Variants in DPH6 observed in about 807,000 individuals in gnomAD.
The protein encoded by DPH6 is diphthamine biosynthesis 6, also known as diphthine--ammonia ligase.
Under a neutral mutation model 38.2 loss-of-function variants are expected in DPH6, and 33 were observed. The ratio of observed to expected loss-of-function variants is 0.86; its 90% confidence interval spans 0.65 to 1.15. The LOEUF (loss-of-function observed/expected upper bound fraction) is 1.15, where lower values mean the gene tolerates loss of function less well. Among genes scored for constraint, DPH6 ranks in the 50% most tolerant of loss-of-function variants. The pLI, the probability that DPH6 is intolerant of heterozygous loss-of-function variation, is 0.00. For missense variants in DPH6, 325 were observed against 320.0 expected (o/e 1.02, Z -0.12); for synonymous variants, 108 against 103.0 (o/e 1.05, Z -0.30).
intron 3 of DPH6, among the ~76,000 whole-genome samples, chr15:35,275,261 T>C (rs138144920): frequency 1.3e-4 from 20 of 152,306 alleles, no homozygotes; most frequent in African/African-American, 3.4e-4. Flanking sequence ...TGTATGTTTA[T>C]TGCAGCACTA....
At chr15:35,297,053 T>C (rs1473428682) in intron 3 of DPH6, among the ~76,000 whole-genome samples, 12 of 152,186 alleles carry the variant, frequency 7.9e-5, no homozygotes. Flanking sequence ...TCCCTGCTCC[T>C]ATCTAAGACT....
chr15:35,397,881 A>G (rs1210558696), intron 6 of DPH6, among the ~76,000 whole-genome samples: 5 of 150,502 alleles, frequency 3.3e-5, no homozygotes, highest in East Asian at 2.0e-4. Flanking sequence ...ACACACACAC[A>G]CACACACACA....
chr15:35,253,777 A>G (rs1204789336), intron 3 of DPH6, among the ~76,000 whole-genome samples: 2 of 152,174 alleles, frequency 1.3e-5, no homozygotes, highest in African/African-American at 2.4e-5. Context: ...TAGATCATTT[A>G]CCTGCAAGGA....
chr15:35,161,272 A>C, the DPH6 span, among the ~76,000 whole-genome samples: 3 of 151,464 alleles, frequency 2.0e-5, no homozygotes, highest in Admixed American at 6.6e-5. Context: ...GAATCCGCCA[A>C]CTCTTTTAGT....
the DPH6 span, among the ~76,000 whole-genome samples, chr15:35,191,687 C>A: frequency 1.3e-5 from 2 of 152,146 alleles, no homozygotes; most frequent in South Asian, 4.2e-4. Context: ...GTTGACTCTC[C>A]CAATCCTAAA....
Position 35,283,757 on chromosome 15 carries a change from T to TACACACACAC in DPH6, n.201-63185_201-63176dup, listed in dbSNP as rs3028682. 4.4e-3 allele frequency among the ~76,000 whole-genome samples: 618 copies of TACACACACAC among 140,580 alleles called. 6 individuals carry two copies. Among genetic ancestry groups the TACACACACAC allele is most frequent in the African/African-American group, 0.015 (558 of 38,274 alleles). 92.2% of individuals were successfully genotyped at this position (140,580 alleles called of 152,430 possible). On this transcript the variant is annotated intron_variant and non_coding_transcript_variant, in intron 3 of 3. Coordinates refer to the DPH6 transcript ENST00000560386. ...TACTTTTTTCATTGGGCACAGATAGTACACACACACACACACACACACACA... is the reference window on the plus strand; with the variant it reads ...TACTTTTTTCATTGGGCACAGATAGTACACACACACACACACACACACACACACACACACA...
chr15:35,271,702 T>C (rs1160927211), intron 3 of DPH6, among the ~76,000 whole-genome samples: 2 of 152,196 alleles, frequency 1.3e-5, no homozygotes, highest in Non-Finnish European at 2.9e-5. Context: ...AGGATGGGGA[T>C]TGAGAATTGA....
intron 3 of DPH6, among the ~76,000 whole-genome samples, chr15:35,503,310 T>TA (rs1370011818): frequency 6.6e-6 from 1 of 152,076 alleles, no homozygotes; most frequent in Non-Finnish European, 1.5e-5. Context: ...AGTTAAATTT[T>TA]AAAAAGACCA....
intron 5 of DPH6, among the ~76,000 whole-genome samples, chr15:35,422,331 C>T (rs2053516231): frequency 6.6e-6 from 1 of 151,766 alleles, no homozygotes; most frequent in African/African-American, 2.4e-5. Flanking sequence ...CAGGAAAAAA[C>T]CTTGAGGAAT....
intron 5 of DPH6, among the ~76,000 whole-genome samples, chr15:35,445,395 CAAA>C (rs11331685): frequency 4.7e-4 from 59 of 125,450 alleles, no homozygotes; most frequent in South Asian, 8.0e-4. Flanking sequence ...TCATCATCAT[CAAA>C]AAAAAAAAAA....
intron 3 of DPH6, among the ~76,000 whole-genome samples, chr15:35,325,001 T>C (rs2052270167): frequency 6.6e-6 from 1 of 152,146 alleles, no homozygotes; most frequent in African/African-American, 2.4e-5. Context: ...AATTTTTACA[T>C]AGCCCAGTGC....
intron 3 of DPH6, among the ~76,000 whole-genome samples, chr15:35,263,182 C>G (rs1290202061): frequency 3.3e-5 from 5 of 152,028 alleles, no homozygotes; most frequent in Non-Finnish European, 7.4e-5. Flanking sequence ...TACTAATACT[C>G]TATTTACATA....
At chr15:35,223,767 T>C (rs1196250691) in intron 3 of DPH6, among the ~76,000 whole-genome samples, 3 of 152,006 alleles carry the variant, frequency 2.0e-5, no homozygotes, top group African/African-American at 7.2e-5. Flanking sequence ...ATTAATAAAT[T>C]ATTATTAATT....
chr15:35,235,885 T>C (rs1056341199), intron 3 of DPH6, among the ~76,000 whole-genome samples: 5 of 151,730 alleles, frequency 3.3e-5, no homozygotes, highest in Non-Finnish European at 5.9e-5. Context: ...AACTACTCAT[T>C]GTGCTTTCAA....
chr15:35,181,970 T>C, the DPH6 span: 1 of 150,784 alleles, frequency 6.6e-6, no homozygotes, highest in Non-Finnish European at 1.5e-5. Flanking sequence ...AGTAAAATGA[T>C]TGTCTTTCTA....
chr15:35,481,474 A>T (rs2054326350), intron 3 of DPH6, among the ~76,000 whole-genome samples: 1 of 152,222 alleles, frequency 6.6e-6, no homozygotes. Flanking sequence ...GATTCAAACA[A>T]AAAAATTGTA....
chr15:35,542,966 A>ATATATAT (rs60056293), intron 1 of DPH6, among the ~76,000 whole-genome samples: 28 of 65,808 alleles, frequency 4.3e-4, no homozygotes, highest in South Asian at 8.1e-4. Context: ...ATATATATAT[A>ATATATAT]AAATAATTTC....
At chr15:35,280,383 A>C (rs2051889909) in intron 3 of DPH6, among the ~76,000 whole-genome samples, 1 of 152,088 alleles carries the variant, frequency 6.6e-6, no homozygotes, top group Non-Finnish European at 1.5e-5. Flanking sequence ...GGTTAGGGTA[A>C]AGAAAAATCA....
chr15:35,428,117 C>T (rs2053591755), intron 5 of DPH6, among the ~76,000 whole-genome samples: 1 of 151,964 alleles, frequency 6.6e-6, no homozygotes, highest in South Asian at 2.1e-4. Context: ...TTTCTCATCA[C>T]TGTGTCTGTG....
Sources: gnomAD v4.1 joint callset for allele counts (sites outside exome capture counted in the v4.1 genomes callset) on GRCh38, gnomAD v4.1.1 for gene constraint, MANE v1.5 for transcripts, NCBI Gene and HGNC (gene_info 2026-07-23, HGNC 2026-07-21) for gene names.